The following GSR variants were observed in gnomAD, a reference collection of about 807,000 sequenced individuals.
The protein encoded by GSR is glutathione-disulfide reductase.
Under a neutral mutation model 56.5 loss-of-function variants are expected in GSR, and 48 were observed. That is an observed-to-expected ratio of 0.85 (90% CI 0.67 to 1.08). The LOEUF (loss-of-function observed/expected upper bound fraction) is 1.08. Among genes scored for constraint, GSR ranks in the 50% least tolerant of loss-of-function variants. The pLI, the probability that GSR is intolerant of heterozygous loss-of-function variation, is 0.00. For missense variants in GSR, 694 were observed against 703.3 expected, an observed-to-expected ratio of 0.99 and a Z score of 0.15; for synonymous variants, 264 against 270.8, an observed-to-expected ratio of 0.97 and a Z score of 0.25.
At chr8:30,725,006 G>A (rs1485122563) in intron 1 of GSR, among the ~76,000 whole-genome samples, 1 of 152,214 alleles carries the variant, frequency 6.6e-6, no homozygotes, top group Non-Finnish European at 1.5e-5. Flanking sequence ...CAGTTCCCAA[G>A]CTGAACTTTC....
chr8:30,679,611 A>G lies in GSR; in HGVS notation c.1478T>C (p.Val493Ala), dbSNP rs1802872432. The change falls in exon 13 of 13, where the codon GTT becomes GCT. Residue 493 changes from valine (V) to alanine (A), a missense_variant. Transcript: ENST00000221130. ...GCDEMLQGFAVAVKMGATKAD... is the reference protein window; with the variant it reads ...GCDEMLQGFAAAVKMGATKAD... ...CTTCGTTGCTCCCATCTTCACTGCA[A>G]CAGCAAAACCCTGCAGCATTTCATC... is the stretch of plus-strand genomic sequence containing the variant. 3.1e-6 allele frequency: 5 copies of G among 1,614,020 alleles called. 1 individual carries two copies. Among genetic ancestry groups the G allele is most frequent in the Admixed American group, 1.7e-5 (1 of 59,998 alleles).
chr8:30,686,226 G>C (rs1803155625), intron 9 of GSR, among the ~76,000 whole-genome samples: 1 of 151,814 alleles, frequency 6.6e-6, no homozygotes, highest in Non-Finnish European at 1.5e-5. Context: ...TAGTATCTCT[G>C]TGCTCCTGGC....
At chr8:30,707,621 C>A (rs932120184) in intron 4 of GSR, among the ~76,000 whole-genome samples, 4 of 152,094 alleles carry the variant, frequency 2.6e-5, no homozygotes, top group African/African-American at 9.7e-5. Flanking sequence ...CATTGCACCA[C>A]CGTACTCCAG....
chr8:30,724,734 C>G (rs1431284815), intron 1 of GSR, among the ~76,000 whole-genome samples: 3 of 152,036 alleles, frequency 2.0e-5, no homozygotes, highest in Non-Finnish European at 4.4e-5. Context: ...CGGAGTTTCA[C>G]CGTGTTGGCC....
At chr8:30,727,437 G>A (rs1205614235) in intron 1 of GSR, 93 bp downstream of exon 1, 9 of 1,211,418 alleles carry the variant, frequency 7.4e-6, no homozygotes, top group Non-Finnish European at 3.5e-6. Flanking sequence ...CCAGCGCCGG[G>A]GGACAGGATC....
At chr8:30,689,735 C>CGT (rs1318156012) in intron 8 of GSR, among the ~76,000 whole-genome samples, 75 of 86,868 alleles carry the variant, frequency 8.6e-4, no homozygotes, top group African/African-American at 3.3e-3. Flanking sequence ...TGGGTATATA[C>CGT]GTGTGTGTGT....
chr8:30,694,584 A>G lies in GSR; in HGVS notation c.796-1529T>C, dbSNP rs187290526. 4.1e-4 allele frequency among the ~76,000 whole-genome samples: 63 copies of G among 152,260 alleles called. No individual in the cohort carries two copies. The East Asian group carries it at 9.7e-3, about 23-fold the overall frequency. ...TGAGGCAGGAGGATAGCTTGAGGCC[A>G]GGAGTTCGAGACCAGCCTGGGCAAC... is the stretch of plus-strand genomic sequence containing the variant. On this transcript the variant is annotated intron_variant, in intron 7 of 12. Transcript: ENST00000221130.
rs778165636 is a variant in GSR, at chr8:30,680,989, G to A, written c.1334C>T (p.Thr445Met). Reference protein sequence around the residue: ...YGIENVKTYSTSFTPMYHAVT... With the variant: ...YGIENVKTYSMSFTPMYHAVT... ...TGCGTGATACATCGGGGTAAAGCTCGTTGAATAGGTCTTCACATTTTCTAT... is the reference window on the plus strand; with the variant it reads ...TGCGTGATACATCGGGGTAAAGCTCATTGAATAGGTCTTCACATTTTCTAT... The change falls in exon 12 of 13, where the codon ACG becomes ATG. Residue 445 changes from threonine (T) to methionine (M), a missense_variant. Thr to Met is a moderately conservative substitution (Grantham distance 81). Coordinates refer to ENST00000221130, the MANE Select transcript of GSR (RefSeq NM_000637.5). 60 of 1,608,644 alleles carry A rather than the reference G, an allele frequency of 3.7e-5. No homozygotes were observed. In the Admixed American group the frequency reaches 6.5e-4, roughly 17 times the overall value.
At chr8:30,699,940 C>T (rs1803671607) in intron 6 of GSR, 141 bp downstream of exon 6, 4 of 761,830 alleles carry the variant, frequency 5.3e-6, no homozygotes. Flanking sequence ...ATGAGATATA[C>T]AAGGTCATGA....
intron 9 of GSR, among the ~76,000 whole-genome samples, chr8:30,687,151 A>G (rs903533820): frequency 6.6e-6 from 1 of 152,026 alleles, no homozygotes; most frequent in Non-Finnish European, 1.5e-5. Flanking sequence ...AGTTTTGTTA[A>G]TATGAAAATA....
intron 4 of GSR, among the ~76,000 whole-genome samples, chr8:30,707,570 G>A (rs1390987942): frequency 6.6e-6 from 1 of 152,096 alleles, no homozygotes; most frequent in African/African-American, 2.4e-5. Flanking sequence ...TGAGGTGGGA[G>A]GACTGCTTGA....
chr8:30,699,674 C>T (rs1477866596), intron 6 of GSR, among the ~76,000 whole-genome samples: 1 of 151,650 alleles, frequency 6.6e-6, no homozygotes, highest in Non-Finnish European at 1.5e-5. Flanking sequence ...GAGCTCCTGA[C>T]CTCAGGTGAT....
In GSR at chr8:30,709,788, T is replaced by C. The variant is rs764621421; in HGVS notation, c.422+26A>G. On this transcript the variant is annotated intron_variant, in intron 3 of 12. Transcript: ENST00000221130. ...AAGAAAAATATCTACACTTGGAAAC[T>C]GAACCCTCTGAGTGTTGACACTTAC... 3.9e-6 allele frequency: 5 copies of C among 1,269,764 alleles called. No individual in the cohort carries two copies. In the South Asian group the frequency reaches 5.9e-5, roughly 15 times the overall value. 78.7% of individuals were successfully genotyped at this position (1,269,764 alleles called of 1,614,324 possible).
At chr8:30,711,503 CT>C (rs1437821286) in intron 2 of GSR, among the ~76,000 whole-genome samples, 3 of 152,166 alleles carry the variant, frequency 2.0e-5, no homozygotes, top group Non-Finnish European at 2.9e-5. Flanking sequence ...CTGGCTGGGT[CT>C]TTTTGCTGAG....
intron 1 of GSR, among the ~76,000 whole-genome samples, chr8:30,718,196 G>A (rs1313104564): frequency 3.4e-4 from 51 of 152,192 alleles, no homozygotes; most frequent in Admixed American, 3.0e-3. Context: ...CTGCTGGTCC[G>A]TGGAAAAATT....
intron 10 of GSR, 101 bp downstream of exon 10, chr8:30,683,987 C>G: frequency 1.3e-6 from 1 of 780,608 alleles, no homozygotes; most frequent in East Asian, 2.4e-5. Context: ...GACACTCATC[C>G]TTTTAACTTT....
intron 8 of GSR, among the ~76,000 whole-genome samples, chr8:30,692,495 CTTTTTTT>C (rs71206280): frequency 3.9e-3 from 228 of 59,078 alleles, no homozygotes; most frequent in African/African-American, 0.016. Context: ...CACACCCAGA[CTTTTTTT>C]TTTTTTTTTT....
chr8:30,714,254 C>G (rs904913067), intron 1 of GSR, among the ~76,000 whole-genome samples: 2 of 115,370 alleles, frequency 1.7e-5, no homozygotes, highest in African/African-American at 6.7e-5. Context: ...CTCTGTCACT[C>G]AGGCTGGAGT....
intron 7 of GSR, 109 bp downstream of exon 7, chr8:30,696,271 T>C: frequency 1.2e-6 from 1 of 821,956 alleles, no homozygotes; most frequent in Admixed American, 1.7e-5. Flanking sequence ...ACCAACCAAA[T>C]GACCCCCACA....
Sources: allele counts gnomAD v4.1 joint callset (sites outside exome capture counted in the v4.1 genomes callset), GRCh38; gene constraint gnomAD v4.1.1; transcripts MANE v1.5; gene names NCBI Gene and HGNC (gene_info 2026-07-23, HGNC 2026-07-21).